The following SLC35F4 variants were observed in gnomAD, a reference collection of about 807,000 sequenced individuals.
SLC35F4 encodes the protein solute carrier family 35 member F4.
Under a neutral mutation model 44.2 loss-of-function variants are expected in SLC35F4, and 24 were observed. That is an observed-to-expected ratio of 0.54 (90% confidence interval 0.39 to 0.76). SLC35F4 has a LOEUF of 0.76. SLC35F4 is among the 30% of genes least tolerant of loss of function. The probability of loss-of-function intolerance (pLI) is 0.00; values close to 1 mark genes in which losing one functional copy is unlikely to be tolerated. For synonymous variants in SLC35F4, 238 were observed against 223.6 expected, an observed-to-expected ratio of 1.06 and a Z score of -0.57; for missense variants, 562 against 586.1, an observed-to-expected ratio of 0.96 and a Z score of 0.42.
At chr14:57,899,564 A>ACCCAAGTGGGT (rs1888954156) in intron 1 of SLC35F4, among the ~76,000 whole-genome samples, 1 of 152,248 alleles carries the variant, frequency 6.6e-6, no homozygotes, top group Non-Finnish European at 1.5e-5. Context: ...CTTCAGACGG[A>ACCCAAGTGGGT]TACAGAATAT....
intron 1 of SLC35F4, among the ~76,000 whole-genome samples, chr14:57,753,674 C>CA (rs546940428): frequency 1.0e-3 from 155 of 152,308 alleles, no homozygotes; most frequent in African/African-American, 3.4e-3. Context: ...TTGAGGGCAG[C>CA]ACCAAGAAGG....
chr14:57,918,789 G>A (rs1889383000), intron 1 of SLC35F4, among the ~76,000 whole-genome samples: 1 of 152,148 alleles, frequency 6.6e-6, no homozygotes, highest in Non-Finnish European at 1.5e-5. Context: ...ACAGGATTGG[G>A]GTCCAGCCTA....
intron 1 of SLC35F4, among the ~76,000 whole-genome samples, chr14:57,642,779 T>C (rs901971070): frequency 6.6e-6 from 1 of 151,918 alleles, no homozygotes; most frequent in Non-Finnish European, 1.5e-5. Flanking sequence ...ATACATAATA[T>C]GGCAATATCA....
rs142437414 is a variant in SLC35F4 at position 57,615,136 on chromosome 14, T to C, written c.104-21012A>G. 1.9e-3 allele frequency among the ~76,000 whole-genome samples: 284 copies of C among 152,298 alleles called. 1 individual carries two copies. The highest frequency in any genetic ancestry group is 5.9e-3 in the African/African-American group (246 of 41,562). On this transcript the variant is annotated intron_variant, in intron 1 of 7. Transcript: ENST00000556826. ...TAAGTACAAGTTAAAATCCTAAACT[T>C]TGTGAAACCAATATGATTCTTCACT...
At chr14:57,769,008 C>G (rs557004000) in intron 1 of SLC35F4, among the ~76,000 whole-genome samples, 2 of 152,272 alleles carry the variant, frequency 1.3e-5, no homozygotes, top group South Asian at 2.1e-4. Flanking sequence ...CTGCCTTCAC[C>G]TTGGTTCCCA....
At chr14:57,944,822 C>G in intron 1 of SLC35F4, among the ~76,000 whole-genome samples, 1 of 151,492 alleles carries the variant, frequency 6.6e-6, no homozygotes. Context: ...CCTGACAGAG[C>G]CAGGAAGGCC....
intron 1 of SLC35F4, among the ~76,000 whole-genome samples, chr14:57,594,546 T>C (rs1375545792): frequency 1.3e-5 from 2 of 152,234 alleles, no homozygotes; most frequent in Non-Finnish European, 1.5e-5. Flanking sequence ...ATAAAGACTC[T>C]TTTAGATAAA....
chr14:57,775,854 T>C (rs56002234), intron 1 of SLC35F4, among the ~76,000 whole-genome samples: 21,010 of 152,204 alleles, frequency 0.14, 1,699 homozygotes, highest in African/African-American at 0.22. Context: ...ATGAAGATCA[T>C]TGAGATTCAG....
chr14:57,604,164 A>C (rs2071008033), intron 1 of SLC35F4: 1 of 152,206 alleles, frequency 6.6e-6, no homozygotes, highest in Non-Finnish European at 1.5e-5. Context: ...CACCAACATC[A>C]CTTCTCTTCT....
intron 1 of SLC35F4, among the ~76,000 whole-genome samples, chr14:57,964,979 A>G (rs199941642): frequency 0.038 from 4,006 of 105,330 alleles, 187 homozygotes; most frequent in East Asian, 0.26. Context: ...TGGGGGAAAA[A>G]AAAAAAAAAA....
At chr14:57,651,220 CTGAT>C (rs959220883) in intron 1 of SLC35F4, among the ~76,000 whole-genome samples, 2 of 152,178 alleles carry the variant, frequency 1.3e-5, no homozygotes, top group African/African-American at 4.8e-5. Context: ...AGTTGACTGA[CTGAT>C]TAAATGAACA....
intron 1 of SLC35F4, among the ~76,000 whole-genome samples, chr14:57,884,366 T>C (rs1888603211): frequency 6.6e-6 from 1 of 152,166 alleles, no homozygotes; most frequent in Non-Finnish European, 1.5e-5. Flanking sequence ...AATAAATAAA[T>C]GTAATCCCAC....
chr14:57,697,825 A>G (rs1190943519), intron 1 of SLC35F4, among the ~76,000 whole-genome samples: 1 of 152,166 alleles, frequency 6.6e-6, no homozygotes, highest in African/African-American at 2.4e-5. Context: ...ACAGACATAC[A>G]TGTGTATGGG....
rs184586722 is a variant in SLC35F4 at position 57,874,553 on chromosome 14, C to A, written n.282+107360G>T. Among the ~76,000 whole-genome samples the A allele has an allele frequency of 7.8e-3, 1,181 of 152,292 alleles. 9 individuals are homozygous for A. The highest frequency in any genetic ancestry group is 0.013 in the Non-Finnish European group (852 of 68,018). On this transcript the variant is annotated intron_variant and non_coding_transcript_variant, in intron 1 of 1. Transcript: ENST00000556568. ...AGTGCAAAGTTTACAAAGAAGGAAA[C>A]TGAGGCTAGAGGGCTAAACAGATGG...
chr14:57,650,149 T>C (rs552116348), intron 1 of SLC35F4, among the ~76,000 whole-genome samples: 3 of 152,166 alleles, frequency 2.0e-5, no homozygotes, highest in Non-Finnish European at 4.4e-5. Context: ...CAGGGTCCCT[T>C]CTCTACTCTT....
chr14:57,719,555 C>A (rs2076029141), intron 1 of SLC35F4, among the ~76,000 whole-genome samples: 1 of 149,342 alleles, frequency 6.7e-6, no homozygotes. Context: ...TAAGTTAATT[C>A]TTAGGTATTT....
chr14:57,807,906 G>C (rs1881522878), intron 1 of SLC35F4, among the ~76,000 whole-genome samples: 1 of 151,760 alleles, frequency 6.6e-6, no homozygotes, highest in South Asian at 2.1e-4. Flanking sequence ...ATCATGGTGG[G>C]AGGCAAAGGA....
chr14:57,656,376 TACACACACACAC>T (rs3054456), intron 1 of SLC35F4, among the ~76,000 whole-genome samples: 444 of 74,048 alleles, frequency 6.0e-3, no homozygotes, highest in Middle Eastern at 0.018. Flanking sequence ...TATATATATA[TACACACACACAC>T]ACACACACAC....
At chr14:57,975,043 T>C (rs1288078137), downstream of SLC35F4, among the ~76,000 whole-genome samples, 1 of 152,188 alleles carries the variant, frequency 6.6e-6, no homozygotes, top group East Asian at 1.9e-4. Flanking sequence ...TCAAAGTAAA[T>C]AACTTTCAGC....
Sources: gnomAD v4.1 joint callset for allele counts (sites outside exome capture counted in the v4.1 genomes callset) on GRCh38, gnomAD v4.1.1 for gene constraint, MANE v1.5 for transcripts, NCBI Gene and HGNC (gene_info 2026-07-23, HGNC 2026-07-21) for gene names.